INTS9: variants seen among roughly 807,000 people sequenced by gnomAD.
INTS9 encodes integrator complex subunit 9, also known as protein related to CPSF subunits of 74 kDa.
Under a neutral mutation model 79.7 loss-of-function variants are expected in INTS9, and 55 were observed. That is an observed-to-expected ratio of 0.69 (90% CI 0.56 to 0.86). The LOEUF (loss-of-function observed/expected upper bound fraction) is 0.86. Ranked by LOEUF, INTS9 falls within the 40% of genes least tolerant of loss-of-function variation. The pLI, the probability that INTS9 is intolerant of heterozygous loss-of-function variation, is 0.00. For synonymous variants in INTS9, 319 were observed against 325.2 expected, an observed-to-expected ratio of 0.98 and a Z score of 0.20; for missense variants, 721 against 831.5, an observed-to-expected ratio of 0.87 and a Z score of 1.64.
intron 6 of INTS9, among the ~76,000 whole-genome samples, chr8:28,831,454 G>C (rs1260939312): frequency 6.6e-6 from 1 of 152,178 alleles, no homozygotes; most frequent in Non-Finnish European, 1.5e-5. Flanking sequence ...ACCTATCCCA[G>C]AACTTAAATT....
intron 11 of INTS9, among the ~76,000 whole-genome samples, chr8:28,786,680 T>C (rs746113007): frequency 2.4e-4 from 36 of 152,328 alleles, no homozygotes; most frequent in Non-Finnish European, 3.4e-4. Context: ...TGCGGAGGCA[T>C]AGAGTACATT....
At chr8:28,834,666 G>A in intron 6 of INTS9, among the ~76,000 whole-genome samples, 1 of 148,358 alleles carries the variant, frequency 6.7e-6, no homozygotes, top group East Asian at 2.1e-4. Flanking sequence ...AGCACTGGGG[G>A]CAAACATCTG....
intron 8 of INTS9, among the ~76,000 whole-genome samples, chr8:28,797,273 G>A (rs557705863): frequency 3.3e-5 from 5 of 152,268 alleles, no homozygotes; most frequent in Non-Finnish European, 5.9e-5. Context: ...ATACACTATC[G>A]GAATATGGAA....
At chr8:28,880,762 G>T (rs1809699324) in intron 1 of INTS9, among the ~76,000 whole-genome samples, 1 of 148,528 alleles carries the variant, frequency 6.7e-6, no homozygotes, top group Non-Finnish European at 1.5e-5. Flanking sequence ...GCCCAGTCTG[G>T]AAAGTGAGGA....
chr8:28,872,082 A>G (rs1214152998), intron 1 of INTS9, among the ~76,000 whole-genome samples: 1 of 152,240 alleles, frequency 6.6e-6, no homozygotes, highest in Non-Finnish European at 1.5e-5. Context: ...AAAGAAGCCA[A>G]AGATGAGGTT....
chr8:28,768,230 GTCT>G lies in INTS9; in HGVS notation c.1890_1892del (p.Glu630del), dbSNP rs749669094. On this transcript the variant is annotated inframe_deletion, in exon 17 of 17. Coordinates refer to ENST00000521022, the MANE Select transcript of INTS9 (RefSeq NM_018250.4). ...CATTGTCGCAGATGATATGGGTCGA[GTCT>G]TCTTCAATCTGGATGAGCGTCTCAG... 2 of 1,614,158 alleles carry G rather than the reference GTCT, an allele frequency of 1.2e-6. No individual in the cohort carries two copies. The highest frequency in any genetic ancestry group is 4.5e-5 in the East Asian group (2 of 44,884).
At chr8:28,862,316 C>A in intron 1 of INTS9, 1 of 819,104 alleles carries the variant, frequency 1.2e-6, no homozygotes, top group Non-Finnish European at 1.5e-6. Context: ...TTTGTAAAAG[C>A]TGTAATTTTA....
intron 11 of INTS9, among the ~76,000 whole-genome samples, chr8:28,782,077 T>G (rs1803300202): frequency 6.6e-6 from 1 of 152,164 alleles, no homozygotes; most frequent in Non-Finnish European, 1.5e-5. Flanking sequence ...TAACACTTAT[T>G]AATTTAAAAA....
At chr8:28,797,506 ATCT>A (rs1186330123) in intron 8 of INTS9, among the ~76,000 whole-genome samples, 1 of 152,164 alleles carries the variant, frequency 6.6e-6, no homozygotes, top group Non-Finnish European at 1.5e-5. Context: ...AACATCCATG[ATCT>A]TCTTGTGAAC....
intron 4 of INTS9, among the ~76,000 whole-genome samples, chr8:28,842,323 A>G (rs1807240474): frequency 6.6e-6 from 1 of 152,100 alleles, no homozygotes; most frequent in African/African-American, 2.4e-5. Flanking sequence ...GCTTACAGAT[A>G]TATGTTGTAA....
At position 28,768,081 on chromosome 8, in the gene INTS9, G is replaced by A; in HGVS notation, c.*65C>T. On this transcript the variant is annotated 3_prime_UTR_variant, in exon 17 of 17. Transcript: ENST00000521022. ...TAATGGCCTCTCATGCCACTCCTCA[G>A]GTGGCTTGTGAGGGCAGCCAGTGAG... The A allele has an allele frequency of 3.4e-6, 5 of 1,460,234 alleles. No individual in the cohort carries two copies. Among genetic ancestry groups the A allele is most frequent in the Non-Finnish European group, 3.8e-6 (4 of 1,045,040 alleles). The allele number at this position is 1,460,234 out of a possible 1,614,324, so 90.5% of individuals were successfully genotyped here.
chr8:28,836,582 G>A (rs755488658), intron 5 of INTS9, among the ~76,000 whole-genome samples: 2 of 152,166 alleles, frequency 1.3e-5, no homozygotes, highest in Non-Finnish European at 2.9e-5. Context: ...CTTGAAGGAA[G>A]AGTGCTAATT....
chr8:28,881,683 C>T (rs1809825570), intron 1 of INTS9, among the ~76,000 whole-genome samples: 2 of 137,118 alleles, frequency 1.5e-5, no homozygotes, highest in South Asian at 2.4e-4. Flanking sequence ...CCCGGCCAGC[C>T]GCCCCGTCCG....
chr8:28,803,087 T>C lies in INTS9; in HGVS notation c.745-6432A>G, dbSNP rs564010487. On this transcript the variant is annotated intron_variant, in intron 8 of 16. Transcript: ENST00000521022. ...ATGATCATGCCACTGCACTCCAACC[T>C]GGGCAACAGAGTGAGACTGTCTCAA... Among the ~76,000 whole-genome samples the C allele has an allele frequency of 3.3e-5, 5 of 152,248 alleles. No homozygotes were observed. In the East Asian group the frequency reaches 9.6e-4, roughly 29 times the overall value.
intron 4 of INTS9, among the ~76,000 whole-genome samples, chr8:28,839,112 T>C (rs140291362): frequency 5.3e-4 from 80 of 152,208 alleles, no homozygotes; most frequent in African/African-American, 1.8e-3. Context: ...GATGGGTCCT[T>C]GAGATAATAC....
chr8:28,831,470 T>A (rs1280158318), intron 6 of INTS9, among the ~76,000 whole-genome samples: 1 of 152,186 alleles, frequency 6.6e-6, no homozygotes, highest in African/African-American at 2.4e-5. Context: ...AAATTTTTTT[T>A]AAAAAGGGAG....
chr8:28,860,323 C>A lies in INTS9; in HGVS notation c.10-760G>T, dbSNP rs144171281. 6.4e-3 allele frequency among the ~76,000 whole-genome samples: 975 copies of A among 152,288 alleles called. 9 individuals are homozygous for A. Among genetic ancestry groups the A allele is most frequent in the African/African-American group, 0.022 (905 of 41,572 alleles). On this transcript the variant is annotated intron_variant, in intron 1 of 16. Transcript: ENST00000521022. Reference sequence around the variant, plus strand: ...CCACACTGAAAATATCTATATGGGACATGCTCTGCCACCTTTAATAATTCT... The same window carrying A: ...CCACACTGAAAATATCTATATGGGAAATGCTCTGCCACCTTTAATAATTCT...
At chr8:28,835,259 A>G (rs915546039) in intron 6 of INTS9, 33 bp downstream of exon 6, 25 of 1,477,738 alleles carry the variant, frequency 1.7e-5, no homozygotes, top group Non-Finnish European at 2.1e-5. Flanking sequence ...CTGGCTCTAC[A>G]GTCTCTCGGT....
intron 1 of INTS9, among the ~76,000 whole-genome samples, chr8:28,879,010 C>T (rs1354806599): frequency 2.6e-5 from 4 of 151,768 alleles, no homozygotes; most frequent in Admixed American, 2.0e-4. Flanking sequence ...GGAAATAATA[C>T]TAATTCTTCA....
Sources: allele counts gnomAD v4.1 joint callset (sites outside exome capture counted in the v4.1 genomes callset), GRCh38; gene constraint gnomAD v4.1.1; transcripts MANE v1.5; gene names NCBI Gene and HGNC (gene_info 2026-07-23, HGNC 2026-07-21).